HECW2: variants seen among roughly 807,000 people sequenced by gnomAD.
HECW2 encodes the protein HECT, C2 and WW domain containing E3 ubiquitin protein ligase 2.
A neutral mutation model predicts 175.2 loss-of-function variants in HECW2; 61 were observed. The observed-to-expected ratio is 0.35, with a 90% CI of 0.28 to 0.43. The LOEUF (loss-of-function observed/expected upper bound fraction) is 0.43. HECW2 is among the 20% of genes least tolerant of loss of function. The pLI is 1.00. For missense variants in HECW2, 1,524 were observed against 2,000.5 expected, an observed-to-expected ratio of 0.76 and a Z score of 4.54; for synonymous variants, 671 against 731.0, an observed-to-expected ratio of 0.92 and a Z score of 1.32.
intron 1 of HECW2, among the ~76,000 whole-genome samples, chr2:196,544,092 T>C (rs1347643090): frequency 6.6e-6 from 1 of 152,080 alleles, no homozygotes; most frequent in Non-Finnish European, 1.5e-5. Flanking sequence ...CTCAAGCAGC[T>C]CTCAAAGCAG....
At chr2:196,243,491 C>T (rs956040818) in intron 19 of HECW2, among the ~76,000 whole-genome samples, 1 of 151,956 alleles carries the variant, frequency 6.6e-6, no homozygotes, top group Non-Finnish European at 1.5e-5. Context: ...TAACATGTGC[C>T]AAGTACTGAG....
chr2:196,514,340 A>G (rs959266368), intron 1 of HECW2, among the ~76,000 whole-genome samples: 10 of 152,210 alleles, frequency 6.6e-5, no homozygotes, highest in Non-Finnish European at 1.5e-4. Context: ...TTGGGCACCA[A>G]CCAGCACAGG....
intron 1 of HECW2, among the ~76,000 whole-genome samples, chr2:196,473,039 T>C (rs61131538): frequency 0.033 from 5,086 of 152,300 alleles, 284 homozygotes; most frequent in African/African-American, 0.12. Flanking sequence ...CCTGGTTAAT[T>C]GGTTACCACA....
Position 196,553,562 on chromosome 2 carries a change from C to T in HECW2, c.-36+39946G>A, listed in dbSNP as rs543669544. 1.6e-4 allele frequency among the ~76,000 whole-genome samples: 24 copies of T among 152,326 alleles called. No homozygotes were observed. In the South Asian group the frequency reaches 4.6e-3, roughly 29 times the overall value. ...CCTTACACCCTTCAACAAAATTATA[C>T]TTCCAGGCACTACCCCACTGCCATC... On this transcript the variant is annotated intron_variant, in intron 1 of 28. Coordinates refer to ENST00000644978, the MANE Select transcript of HECW2 (RefSeq NM_001348768.2).
chr2:196,306,729 AT>A, intron 12 of HECW2, 117 bp from the exon 13 acceptor site: 7 of 1,019,450 alleles, frequency 6.9e-6, no homozygotes, highest in Non-Finnish European at 9.5e-6. Flanking sequence ...ATGTGTCATC[AT>A]TTTAATCCCC....
intron 2 of HECW2, among the ~76,000 whole-genome samples, chr2:196,430,417 C>G (rs1695675225): frequency 6.9e-6 from 1 of 144,774 alleles, no homozygotes; most frequent in Non-Finnish European, 1.5e-5. Context: ...AAAATAAGAA[C>G]CATGGTCAAT....
At chr2:196,301,087 C>T (rs546234351) in intron 13 of HECW2, among the ~76,000 whole-genome samples, 1 of 152,132 alleles carries the variant, frequency 6.6e-6, no homozygotes, top group African/African-American at 2.4e-5. Flanking sequence ...TCCATGGGTT[C>T]TCATCATTCA....
chr2:196,470,534 T>G (rs1697153985), intron 1 of HECW2, among the ~76,000 whole-genome samples: 1 of 152,190 alleles, frequency 6.6e-6, no homozygotes, highest in East Asian at 1.9e-4. Context: ...GAGTTTTGTT[T>G]TGTTTTCAGA....
At chr2:196,239,788 T>C (rs1295490312) in intron 21 of HECW2, 1 of 152,208 alleles carries the variant, frequency 6.6e-6, no homozygotes, top group African/African-American at 2.4e-5. Flanking sequence ...GTTATGTCTA[T>C]TTGGGCACAA....
intron 2 of HECW2, among the ~76,000 whole-genome samples, chr2:196,376,053 C>G (rs1199997652): frequency 1.3e-5 from 2 of 152,170 alleles, no homozygotes; most frequent in Non-Finnish European, 2.9e-5. Context: ...TCTCCATTTT[C>G]CTAACAATTA....
At chr2:196,464,260 C>T (rs544474474) in intron 1 of HECW2, among the ~76,000 whole-genome samples, 1 of 152,166 alleles carries the variant, frequency 6.6e-6, no homozygotes, top group Admixed American at 6.5e-5. Flanking sequence ...TAAACATACC[C>T]CAGAATTCCC....
chr2:196,361,108 G>A (rs1250710835), intron 2 of HECW2, among the ~76,000 whole-genome samples: 3 of 152,122 alleles, frequency 2.0e-5, no homozygotes, highest in Non-Finnish European at 2.9e-5. Context: ...AACTTGTAAG[G>A]AATTAGGATA....
chr2:196,540,190 A>G (rs1689164217), intron 1 of HECW2, among the ~76,000 whole-genome samples: 2 of 152,184 alleles, frequency 1.3e-5, no homozygotes, highest in Admixed American at 6.5e-5. Context: ...TTTTCCTTCA[A>G]TACAATTTTT....
chr2:196,406,237 AAAAC>A (rs758791066), intron 2 of HECW2, among the ~76,000 whole-genome samples: 4 of 152,294 alleles, frequency 2.6e-5, no homozygotes, highest in Admixed American at 2.0e-4. Flanking sequence ...TCACAGGGTC[AAAAC>A]AATTCCTGAC....
intron 1 of HECW2, among the ~76,000 whole-genome samples, chr2:196,450,965 C>G (rs140267634): frequency 6.6e-6 from 1 of 151,872 alleles, no homozygotes; most frequent in African/African-American, 2.4e-5. Context: ...CAAAAGTCAA[C>G]CGAGAGATTT....
chr2:196,580,702 A>C (rs1004630007), intron 1 of HECW2, among the ~76,000 whole-genome samples: 1 of 151,606 alleles, frequency 6.6e-6, no homozygotes, highest in African/African-American at 2.4e-5. Context: ...TGGAGCTCTC[A>C]TACATCGATT....
At chr2:196,555,050 T>A (rs1689746994) in intron 1 of HECW2, among the ~76,000 whole-genome samples, 1 of 151,924 alleles carries the variant, frequency 6.6e-6, no homozygotes, top group Non-Finnish European at 1.5e-5. Context: ...TCGCCCAAAA[T>A]ACAGACACTG....
chr2:196,444,308 A>T (rs1696123584), intron 1 of HECW2, among the ~76,000 whole-genome samples: 1 of 152,136 alleles, frequency 6.6e-6, no homozygotes, highest in African/African-American at 2.4e-5. Flanking sequence ...TTGCAAAGCA[A>T]ATCACAAAAC....
chr2:196,462,151 T>G (rs556378689), intron 1 of HECW2, among the ~76,000 whole-genome samples: 60 of 152,210 alleles, frequency 3.9e-4, no homozygotes, highest in African/African-American at 1.4e-3. Flanking sequence ...GGCAAAAATT[T>G]TATAAAGGCA....
Sources: allele counts gnomAD v4.1 joint callset (sites outside exome capture counted in the v4.1 genomes callset), GRCh38; gene constraint gnomAD v4.1.1; transcripts MANE v1.5; gene names NCBI Gene and HGNC (gene_info 2026-07-23, HGNC 2026-07-21).